Variants in PCDH15 observed in about 807,000 individuals in gnomAD.
PCDH15 encodes protocadherin related 15.
PCDH15 carries 129 observed loss-of-function variants against 178.5 expected under a neutral mutation model. That is an observed-to-expected ratio of 0.72 (90% CI 0.63 to 0.84). The LOEUF (loss-of-function observed/expected upper bound fraction) is 0.84, where lower values mean the gene tolerates loss of function less well. Ranked by LOEUF, PCDH15 falls within the 40% of genes least tolerant of loss-of-function variation. The pLI is 0.00. For synonymous variants in PCDH15, 800 were observed against 732.0 expected (o/e 1.09, Z -1.50); for missense variants, 2,230 against 2,099.9 (o/e 1.06, Z -1.21).
intron 16 of PCDH15, among the ~76,000 whole-genome samples, chr10:54,085,375 C>G (rs2094499084): frequency 6.6e-6 from 1 of 151,870 alleles, no homozygotes; most frequent in Non-Finnish European, 1.5e-5. Flanking sequence ...CATCACAGAC[C>G]CCATGCTTCA....
At chr10:54,844,119 G>C (rs1483185292) in intron 3 of PCDH15, among the ~76,000 whole-genome samples, 1 of 151,772 alleles carries the variant, frequency 6.6e-6, no homozygotes, top group East Asian at 1.9e-4. Context: ...CAGGATGAAG[G>C]CTAATTATAT....
At chr10:54,631,591 G>T (rs2093701486) in intron 2 of PCDH15, among the ~76,000 whole-genome samples, 1 of 152,122 alleles carries the variant, frequency 6.6e-6, no homozygotes, top group African/African-American at 2.4e-5. Context: ...ACAAAAAAGG[G>T]ACACATTACT....
chr10:54,661,716 T>C (rs896282874), intron 2 of PCDH15, among the ~76,000 whole-genome samples: 1 of 151,776 alleles, frequency 6.6e-6, no homozygotes, highest in Non-Finnish European at 1.5e-5. Context: ...GACACATAGA[T>C]CTATGGACAC....
At chr10:53,965,016 T>G (rs919863091) in intron 21 of PCDH15, among the ~76,000 whole-genome samples, 5 of 152,212 alleles carry the variant, frequency 3.3e-5, no homozygotes, top group Admixed American at 2.6e-4. Context: ...ACATGCATTT[T>G]CATACCTACA....
At chr10:55,593,435 T>C (rs1175847158) in intron 2 of PCDH15, among the ~76,000 whole-genome samples, 1 of 151,898 alleles carries the variant, frequency 6.6e-6, no homozygotes, top group East Asian at 1.9e-4. Context: ...ATTTTTTCAA[T>C]AAAAATTAAA....
At chr10:54,985,064 T>C (rs748964318) in intron 2 of PCDH15, among the ~76,000 whole-genome samples, 22 of 152,132 alleles carry the variant, frequency 1.4e-4, no homozygotes, top group Non-Finnish European at 2.1e-4. Flanking sequence ...CAACATTATA[T>C]GACCTATATG....
intron 37 of PCDH15, chr10:53,808,882 G>T (rs760415680): frequency 5.0e-6 from 8 of 1,599,636 alleles, no homozygotes; most frequent in Non-Finnish European, 6.8e-6. Flanking sequence ...AGCTGATTCT[G>T]CACTGCCCTC....
chr10:54,464,487 T>A (rs918908985), intron 3 of PCDH15, among the ~76,000 whole-genome samples: 1 of 152,200 alleles, frequency 6.6e-6, no homozygotes, highest in African/African-American at 2.4e-5. Flanking sequence ...GGGAAATATA[T>A]TTAAATAATA....
At chr10:53,808,342 A>C in intron 37 of PCDH15, 1 of 545,328 alleles carries the variant, frequency 1.8e-6, no homozygotes, top group Non-Finnish European at 2.3e-6. Context: ...ATATATATAT[A>C]TATATATATA....
At chr10:54,924,176 C>T (rs1389408950) in intron 2 of PCDH15, among the ~76,000 whole-genome samples, 3 of 137,260 alleles carry the variant, frequency 2.2e-5, no homozygotes, top group African/African-American at 7.5e-5. Context: ...AAGTACTACA[C>T]ACTTTCAAAC....
At chr10:55,068,552 G>C (rs1250610843) in intron 2 of PCDH15, among the ~76,000 whole-genome samples, 1 of 151,888 alleles carries the variant, frequency 6.6e-6, no homozygotes, top group Non-Finnish European at 1.5e-5. Flanking sequence ...GTTTTATTTT[G>C]CTCAGGATTT....
At chr10:53,942,626 C>G (rs1214515169) in intron 23 of PCDH15, among the ~76,000 whole-genome samples, 1 of 152,192 alleles carries the variant, frequency 6.6e-6, no homozygotes, top group Admixed American at 6.5e-5. Context: ...TGATGGCTGA[C>G]TAACAGCCAG....
intron 2 of PCDH15, among the ~76,000 whole-genome samples, chr10:55,442,463 A>ATAT (rs1175637231): frequency 1.5e-5 from 1 of 65,514 alleles, no homozygotes; most frequent in African/African-American, 7.2e-5. Context: ...GATTATATAT[A>ATAT]TATATATTAT....
chr10:55,402,315 CAG>C (rs1838089754), intron 2 of PCDH15, among the ~76,000 whole-genome samples: 1 of 151,990 alleles, frequency 6.6e-6, no homozygotes, highest in African/African-American at 2.4e-5. Flanking sequence ...ATGATCAAGT[CAG>C]AGTATTTACA....
At chr10:55,598,633 T>G (rs533603521) in intron 2 of PCDH15, among the ~76,000 whole-genome samples, 1 of 148,834 alleles carries the variant, frequency 6.7e-6, no homozygotes, top group South Asian at 2.2e-4. Context: ...GGCTACATTT[T>G]CTACATCCAG....
intron 10 of PCDH15, among the ~76,000 whole-genome samples, chr10:54,213,693 C>A (rs564846529): frequency 6.6e-6 from 1 of 152,128 alleles, no homozygotes; most frequent in East Asian, 1.9e-4. Context: ...TTGACCAAGG[C>A]ATTTGTTACA....
chr10:54,081,278 C>T (rs2094433436), intron 16 of PCDH15, among the ~76,000 whole-genome samples: 2 of 149,736 alleles, frequency 1.3e-5, no homozygotes. Context: ...TATAAATAAT[C>T]TATATCGCCT....
intron 15 of PCDH15, among the ~76,000 whole-genome samples, chr10:54,104,776 G>T (rs1185158103): frequency 1.4e-5 from 2 of 146,852 alleles, no homozygotes; most frequent in Non-Finnish European, 3.0e-5. Flanking sequence ...GGTGGAGCTT[G>T]CAGAGAGCCA....
chr10:54,780,645 G>A (rs1950266993), intron 1 of PCDH15, among the ~76,000 whole-genome samples: 1 of 150,710 alleles, frequency 6.6e-6, no homozygotes, highest in Admixed American at 6.6e-5. Flanking sequence ...CAAGTTTCTG[G>A]CCAAAGAGTA....
Sources: allele counts gnomAD v4.1 joint callset (sites outside exome capture counted in the v4.1 genomes callset), GRCh38; gene constraint gnomAD v4.1.1; transcripts MANE v1.5; gene names NCBI Gene and HGNC (gene_info 2026-07-23, HGNC 2026-07-21).